The following ERCC6L2 variants were observed in gnomAD, a reference collection of about 807,000 sequenced individuals.
ERCC6L2 encodes DNA excision repair protein ERCC-6-like 2.
A neutral mutation model predicts 132.0 loss-of-function variants in ERCC6L2; 77 were observed. The ratio of observed to expected loss-of-function variants is 0.58; its 90% confidence interval spans 0.49 to 0.71. ERCC6L2 has a LOEUF of 0.71. Ranked by LOEUF, ERCC6L2 falls within the 30% of genes least tolerant of loss-of-function variation. ERCC6L2 has a pLI of 0.00. For synonymous variants in ERCC6L2, 583 were observed against 632.4 expected (o/e 0.92, Z 1.17); for missense variants, 1,542 against 1,837.6 (o/e 0.84, Z 2.94).
At chr9:95,961,495 C>A (rs1831898866) in intron 13 of ERCC6L2, among the ~76,000 whole-genome samples, 2 of 152,160 alleles carry the variant, frequency 1.3e-5, no homozygotes, top group African/African-American at 2.4e-5. Flanking sequence ...AAATAAATTT[C>A]TATTGTTGTA....
chr9:95,898,932 A>G (rs998385526), intron 3 of ERCC6L2, among the ~76,000 whole-genome samples: 1 of 152,070 alleles, frequency 6.6e-6, no homozygotes, highest in African/African-American at 2.4e-5. Context: ...TATCAGATTC[A>G]ATGTGATCCT....
At chr9:95,941,203 A>G (rs1224650711) in intron 11 of ERCC6L2, among the ~76,000 whole-genome samples, 1 of 152,178 alleles carries the variant, frequency 6.6e-6, no homozygotes, top group Non-Finnish European at 1.5e-5. Context: ...AAAAAAAAGT[A>G]AAAACCAGCA....
intron 2 of ERCC6L2, among the ~76,000 whole-genome samples, chr9:95,890,155 C>G (rs1828083521): frequency 6.6e-6 from 1 of 152,160 alleles, no homozygotes; most frequent in Non-Finnish European, 1.5e-5. Flanking sequence ...CTAGACTATT[C>G]CAGCATCTAG....
At chr9:95,916,157 C>G in intron 5 of ERCC6L2, 70 bp from the exon 6 acceptor site, 1 of 1,370,974 alleles carries the variant, frequency 7.3e-7, no homozygotes. Flanking sequence ...TGTAGTATAT[C>G]TCTTAGAAGC....
intron 11 of ERCC6L2, among the ~76,000 whole-genome samples, chr9:95,939,980 C>T (rs682682): frequency 0.26 from 40,154 of 152,088 alleles, 5,889 homozygotes; most frequent in East Asian, 0.4. Flanking sequence ...AGCTAGGTTC[C>T]GTCTTTGGCC....
Position 95,875,775 on chromosome 9 carries a change from C to T in ERCC6L2, c.-264C>T. On this transcript the variant is annotated 5_prime_UTR_variant, in exon 1 of 19. Transcript: ENST00000653738. ...GGAGCCCGAGAGAACTAGGTGAACA[C>T]CGCTTTGCCAGCCTCACACAGCGTC... 1 of 546,390 alleles carries T rather than the reference C, an allele frequency of 1.8e-6. No individual in the cohort carries two copies. Among genetic ancestry groups the T allele is most frequent in the Non-Finnish European group, 3.3e-6 (1 of 302,770 alleles). 33.8% of individuals were successfully genotyped at this position (546,390 alleles called of 1,614,324 possible).
chr9:95,922,566 G>T (rs997434419), intron 8 of ERCC6L2, 148 bp downstream of exon 8: 3 of 568,818 alleles, frequency 5.3e-6, no homozygotes, highest in Non-Finnish European at 9.2e-6. Context: ...CAAGGAGTAT[G>T]TGCACTTAAG....
At chr9:95,876,127 T>G in intron 1 of ERCC6L2, 43 bp downstream of exon 1, 1 of 1,523,294 alleles carries the variant, frequency 6.6e-7, no homozygotes, top group Non-Finnish European at 8.9e-7. Context: ...GCCTGTGTAC[T>G]GCGTCGCGTT....
chr9:95,985,345 G>A (rs1833056870), intron 17 of ERCC6L2, among the ~76,000 whole-genome samples: 1 of 152,212 alleles, frequency 6.6e-6, no homozygotes, highest in African/African-American at 2.4e-5. Context: ...ATTCCCGCAT[G>A]GAAGTACTGC....
At chr9:95,948,145 C>T (rs1056207450) in intron 12 of ERCC6L2, among the ~76,000 whole-genome samples, 1 of 152,178 alleles carries the variant, frequency 6.6e-6, no homozygotes, top group Non-Finnish European at 1.5e-5. Context: ...GGAAAGGATT[C>T]ACTATTCTAG....
intron 12 of ERCC6L2, among the ~76,000 whole-genome samples, chr9:95,952,256 A>G (rs1277836822): frequency 1.3e-5 from 2 of 151,682 alleles, no homozygotes; most frequent in African/African-American, 2.4e-5. Flanking sequence ...AATTAATTCT[A>G]TAAAGCCAGC....
intron 6 of ERCC6L2, 118 bp from the exon 7 acceptor site, chr9:95,921,057 G>A: frequency 1.1e-6 from 1 of 945,624 alleles, no homozygotes; most frequent in Non-Finnish European, 1.5e-6. Flanking sequence ...TTACAGGCGT[G>A]AGCCTCTGCG....
intron 3 of ERCC6L2, among the ~76,000 whole-genome samples, chr9:95,900,317 G>A (rs1268245691): frequency 2.0e-5 from 3 of 151,904 alleles, no homozygotes; most frequent in African/African-American, 7.3e-5. Flanking sequence ...GAGCCCAGGA[G>A]TTCTAGGCTG....
rs186558469 is a variant in ERCC6L2 at position 95,915,930 on chromosome 9, G to T, written c.950+101G>T. On this transcript the variant is annotated intron_variant, in intron 5 of 18. Coordinates refer to ENST00000653738, the MANE Select transcript of ERCC6L2 (RefSeq NM_020207.7). Reference sequence around the variant, plus strand: ...TTCCAAACAAACGAAACAGTCATTTGTCTGGTTTTAGATGTGTTTGATCCC... The same window carrying T: ...TTCCAAACAAACGAAACAGTCATTTTTCTGGTTTTAGATGTGTTTGATCCC... 3.0e-4 allele frequency: 372 copies of T among 1,236,624 alleles called. 1 individual carries two copies. The highest frequency in any genetic ancestry group is 3.9e-4 in the Non-Finnish European group (349 of 901,340). 76.6% of individuals were successfully genotyped at this position (1,236,624 alleles called of 1,614,324 possible).
chr9:96,036,452 C>G (rs1263363409), intron 19 of ERCC6L2, among the ~76,000 whole-genome samples: 1 of 152,200 alleles, frequency 6.6e-6, no homozygotes, highest in African/African-American at 2.4e-5. Context: ...GGTTGTCCAC[C>G]TCATGGGTGT....
intron 17 of ERCC6L2, among the ~76,000 whole-genome samples, chr9:96,002,570 C>T (rs1049070029): frequency 5.9e-5 from 9 of 151,930 alleles, no homozygotes; most frequent in African/African-American, 9.7e-5. Flanking sequence ...TACAGGGGCA[C>T]GCCACCGCAC....
At chr9:95,930,455 AT>A (rs1830286828) in intron 11 of ERCC6L2, among the ~76,000 whole-genome samples, 1 of 152,118 alleles carries the variant, frequency 6.6e-6, no homozygotes, top group South Asian at 2.1e-4. Context: ...TTTATATTTA[AT>A]ATGTTGTGAC....
chr9:95,897,837 T>G lies in ERCC6L2; in HGVS notation c.472-12T>G. On this transcript the variant is annotated splice_polypyrimidine_tract_variant and intron_variant, in intron 2 of 18. Coordinates refer to ENST00000653738, the MANE Select transcript of ERCC6L2 (RefSeq NM_020207.7). ...ATTATACACAGTGATTGAAAAAGTC[T>G]TTTTTCCCCAGGTTATTTCATTTCT... 6.2e-7 allele frequency: 1 copy of G among 1,611,690 alleles called. No individual in the cohort carries two copies. The highest frequency in any genetic ancestry group is 1.1e-5 in the South Asian group (1 of 90,764).
chr9:95,913,673 C>G (rs1020535557), intron 4 of ERCC6L2, among the ~76,000 whole-genome samples: 1 of 152,352 alleles, frequency 6.6e-6, no homozygotes. Flanking sequence ...CTGCTTCCAT[C>G]TCCAGTCCCT....
Sources: allele counts gnomAD v4.1 joint callset (sites outside exome capture counted in the v4.1 genomes callset), GRCh38; gene constraint gnomAD v4.1.1; transcripts MANE v1.5; gene names NCBI Gene and HGNC (gene_info 2026-07-23, HGNC 2026-07-21).